Variants in IGF1R observed in about 807,000 individuals in gnomAD.
IGF1R encodes the protein insulin like growth factor 1 receptor.
In IGF1R, 44 loss-of-function variants were observed where a neutral mutation model predicts 144.6. The ratio of observed to expected loss-of-function variants is 0.30; its 90% CI spans 0.24 to 0.39. The LOEUF (loss-of-function observed/expected upper bound fraction) is 0.39, where lower values mean the gene tolerates loss of function less well. Ranked by LOEUF, IGF1R falls within the 10% of genes least tolerant of loss-of-function variation. The pLI, the probability that IGF1R is intolerant of heterozygous loss-of-function variation, is 1.00. For synonymous variants in IGF1R, 795 were observed against 722.8 expected (o/e 1.10, Z -1.60); for missense variants, 1,355 against 1,833.7 (o/e 0.74, Z 4.77).
At chr15:98,808,392 T>C (rs1277044730) in intron 2 of IGF1R, among the ~76,000 whole-genome samples, 1 of 152,226 alleles carries the variant, frequency 6.6e-6, no homozygotes, top group African/African-American at 2.4e-5. Context: ...TCACTTTGTT[T>C]TTTAATATTG....
intron 10 of IGF1R, among the ~76,000 whole-genome samples, chr15:98,920,744 G>A (rs1010893234): frequency 6.6e-5 from 10 of 152,094 alleles, no homozygotes; most frequent in African/African-American, 9.7e-5. Context: ...TTGTTGGAAC[G>A]AGCATATCTG....
chr15:98,731,669 C>A (rs1251480483), intron 2 of IGF1R, among the ~76,000 whole-genome samples: 1 of 152,164 alleles, frequency 6.6e-6, no homozygotes, highest in African/African-American at 2.4e-5. Context: ...ACAGTGCACC[C>A]TTTGGGCTTG....
chr15:98,745,806 G>A (rs565064256), intron 2 of IGF1R, among the ~76,000 whole-genome samples: 6 of 152,338 alleles, frequency 3.9e-5, no homozygotes, highest in African/African-American at 1.4e-4. Context: ...ATACATTGCT[G>A]TTGAGAGTGT....
chr15:98,660,130 A>C (rs917966922), intron 1 of IGF1R: 2 of 152,208 alleles, frequency 1.3e-5, no homozygotes, highest in East Asian at 3.9e-4. Flanking sequence ...TAATTCGGAA[A>C]TCTTTGTTTG....
intron 2 of IGF1R, among the ~76,000 whole-genome samples, chr15:98,792,339 A>G (rs1008217760): frequency 6.6e-6 from 1 of 152,196 alleles, no homozygotes; most frequent in Non-Finnish European, 1.5e-5. Flanking sequence ...ATAACTTAGC[A>G]TTTATAAGGC....
chr15:98,763,952 G>C (rs1672040035), intron 2 of IGF1R, among the ~76,000 whole-genome samples: 1 of 152,204 alleles, frequency 6.6e-6, no homozygotes, highest in African/African-American at 2.4e-5. Context: ...TGGGTTCTTA[G>C]GAGGGGGCTG....
chr15:98,834,006 C>G (rs1276001801), intron 2 of IGF1R, among the ~76,000 whole-genome samples: 3 of 152,252 alleles, frequency 2.0e-5, no homozygotes, highest in African/African-American at 7.2e-5. Context: ...TTTATGTGGC[C>G]AGCTCTGTGC....
intron 1 of IGF1R, among the ~76,000 whole-genome samples, chr15:98,656,620 T>A (rs541121113): frequency 5.3e-5 from 8 of 152,324 alleles, no homozygotes; most frequent in African/African-American, 1.9e-4. Context: ...TTTTTTGTTT[T>A]TTTGCATATT....
At chr15:98,718,090 C>T (rs2054164010) in intron 2 of IGF1R, among the ~76,000 whole-genome samples, 1 of 152,190 alleles carries the variant, frequency 6.6e-6, no homozygotes, top group Non-Finnish European at 1.5e-5. Flanking sequence ...GGCTCTCTGT[C>T]CTCCCTTAGG....
intron 2 of IGF1R, among the ~76,000 whole-genome samples, chr15:98,889,418 A>G (rs2013800362): frequency 6.6e-6 from 1 of 152,240 alleles, no homozygotes; most frequent in Non-Finnish European, 1.5e-5. Context: ...ACCCAACAAG[A>G]TGAATTCTGG....
At chr15:98,930,456 CT>C (rs1001845287) in intron 15 of IGF1R, 151 bp downstream of exon 15, 36,928 of 404,060 alleles carry the variant, frequency 0.091, no homozygotes, top group South Asian at 0.13. Context: ...TTCTTTCTTT[CT>C]TTTTTTTTTT....
At chr15:98,692,645 C>A (rs899597925) in intron 1 of IGF1R, among the ~76,000 whole-genome samples, 2 of 152,172 alleles carry the variant, frequency 1.3e-5, no homozygotes, top group Admixed American at 1.3e-4. Flanking sequence ...ACCAAGCTCT[C>A]ATTAACAATA....
chr15:98,726,226 T>C (rs919289008), intron 2 of IGF1R, among the ~76,000 whole-genome samples: 5 of 152,212 alleles, frequency 3.3e-5, no homozygotes, highest in African/African-American at 1.2e-4. Context: ...CAAGGTGCCA[T>C]GCAGCTAAGC....
At chr15:98,865,351 C>T (rs1322224457) in intron 2 of IGF1R, among the ~76,000 whole-genome samples, 1 of 152,206 alleles carries the variant, frequency 6.6e-6, no homozygotes, top group South Asian at 2.1e-4. Context: ...CCTAAAATAT[C>T]CTGTAAGTCA....
At chr15:98,821,489 C>T (rs758230525) in intron 2 of IGF1R, among the ~76,000 whole-genome samples, 8 of 152,060 alleles carry the variant, frequency 5.3e-5, no homozygotes, top group Non-Finnish European at 8.8e-5. Context: ...ATTTCAAGTT[C>T]GTAAGCATTT....
chr15:98,723,064 C>T (rs1420464176), intron 2 of IGF1R, among the ~76,000 whole-genome samples: 3 of 146,554 alleles, frequency 2.0e-5, no homozygotes, highest in Non-Finnish European at 4.5e-5. Flanking sequence ...CCTGCTGTAA[C>T]CCGTGGCCAC....
intron 2 of IGF1R, among the ~76,000 whole-genome samples, chr15:98,859,265 G>T (rs1021197450): frequency 1.3e-5 from 2 of 152,134 alleles, no homozygotes; most frequent in African/African-American, 4.8e-5. Context: ...TGCAACAGCC[G>T]ATGAGGTAGA....
chr15:98,697,717 C>A (rs1339748143), intron 1 of IGF1R, among the ~76,000 whole-genome samples: 2 of 152,192 alleles, frequency 1.3e-5, no homozygotes, highest in Non-Finnish European at 2.9e-5. Context: ...TGGTGAAATA[C>A]GTATGACATA....
In IGF1R at chr15:98,868,653, G is replaced by T. The variant is rs578159691; in HGVS notation, c.641-22672G>T. 2.0e-4 allele frequency among the ~76,000 whole-genome samples: 31 copies of T among 152,292 alleles called. 1 individual carries two copies. In the Middle Eastern group the frequency reaches 0.014, roughly 67 times the overall value. ...ATTCCAGCTCTGCCTTCTTCAAGCT[G>T]TGTGACTCTGGGAAGTCACACACAC... On this transcript the variant is annotated intron_variant, in intron 2 of 20. Coordinates refer to ENST00000650285, the MANE Select transcript of IGF1R (RefSeq NM_000875.5).
Sources: gnomAD v4.1 joint callset for allele counts (sites outside exome capture counted in the v4.1 genomes callset) on GRCh38, gnomAD v4.1.1 for gene constraint, MANE v1.5 for transcripts, NCBI Gene and HGNC (gene_info 2026-07-23, HGNC 2026-07-21) for gene names.